Variants in CHCHD6 observed in about 807,000 individuals in gnomAD.
The protein encoded by CHCHD6 is coiled-coil-helix-coiled-coil-helix domain containing 6.
CHCHD6 carries 28 observed loss-of-function variants against 32.3 expected under a neutral mutation model. That is an observed-to-expected ratio of 0.87 (90% CI 0.64 to 1.19). The LOEUF (loss-of-function observed/expected upper bound fraction) is 1.19, where lower values mean the gene tolerates loss of function less well. CHCHD6 is among the 50% of genes most tolerant of loss of function. The pLI, the probability that CHCHD6 is intolerant of heterozygous loss-of-function variation, is 0.00. For synonymous variants in CHCHD6, 122 were observed against 117.5 expected (o/e 1.04, Z -0.25); for missense variants, 333 against 307.0 (o/e 1.08, Z -0.63).
At chr3:126,803,521 T>A (rs533911781) in intron 4 of CHCHD6, among the ~76,000 whole-genome samples, 1 of 152,372 alleles carries the variant, frequency 6.6e-6, no homozygotes, top group East Asian at 1.9e-4. Flanking sequence ...CTAACTATCC[T>A]AAATATATCT....
intron 5 of CHCHD6, among the ~76,000 whole-genome samples, chr3:126,881,756 A>G (rs1464146575): frequency 6.6e-6 from 1 of 152,196 alleles, no homozygotes; most frequent in African/African-American, 2.4e-5. Context: ...TATTGATTAA[A>G]ATAGTTCTTT....
chr3:126,737,444 T>C (rs1189074679), intron 4 of CHCHD6, among the ~76,000 whole-genome samples: 1 of 146,314 alleles, frequency 6.8e-6, no homozygotes. Context: ...ACACACATAC[T>C]CTGTATTCCT....
intron 1 of CHCHD6, among the ~76,000 whole-genome samples, chr3:126,722,470 G>A (rs543190281): frequency 3.8e-4 from 58 of 152,218 alleles, no homozygotes; most frequent in African/African-American, 1.3e-3. Flanking sequence ...ACCCTTACAC[G>A]TTGACCTTTT....
chr3:126,717,001 C>T (rs1281951210), intron 1 of CHCHD6, among the ~76,000 whole-genome samples: 1 of 152,180 alleles, frequency 6.6e-6, no homozygotes, highest in African/African-American at 2.4e-5. Context: ...TTAGCAGGTG[C>T]ATCTCCCCTT....
intron 4 of CHCHD6, among the ~76,000 whole-genome samples, chr3:126,836,010 G>A (rs1940845224): frequency 6.6e-6 from 1 of 152,258 alleles, no homozygotes; most frequent in Non-Finnish European, 1.5e-5. Context: ...TGGGAAGGGA[G>A]ATAATCAGTC....
intron 4 of CHCHD6, among the ~76,000 whole-genome samples, chr3:126,762,408 TTGAG>T (rs1281174721): frequency 1.3e-5 from 2 of 152,218 alleles, no homozygotes; most frequent in Non-Finnish European, 2.9e-5. Flanking sequence ...AAATTGGTTG[TTGAG>T]TATGTGATTT....
At chr3:126,877,036 C>T (rs2077547775) in intron 5 of CHCHD6, among the ~76,000 whole-genome samples, 1 of 152,080 alleles carries the variant, frequency 6.6e-6, no homozygotes, top group Non-Finnish European at 1.5e-5. Context: ...TTAACAACCA[C>T]TAATTGAGAT....
chr3:126,852,786 A>G, intron 5 of CHCHD6, 56 bp downstream of exon 5: 1 of 1,178,680 alleles, frequency 8.5e-7, no homozygotes, highest in Non-Finnish European at 1.3e-6. Context: ...GCATCTGACC[A>G]GAACACATCA....
intron 4 of CHCHD6, among the ~76,000 whole-genome samples, chr3:126,814,870 G>T (rs759098805): frequency 2.0e-5 from 3 of 152,210 alleles, no homozygotes; most frequent in Non-Finnish European, 4.4e-5. Context: ...CTGAAGTGGG[G>T]TGAGGGGGAT....
chr3:126,706,360 A>G (rs527940245), intron 1 of CHCHD6, among the ~76,000 whole-genome samples: 8 of 152,176 alleles, frequency 5.3e-5, no homozygotes, highest in Non-Finnish European at 1.0e-4. Flanking sequence ...CAAGGTGTTA[A>G]CCTGAGTAAC....
At chr3:126,899,221 T>G (rs1053710978) in intron 5 of CHCHD6, among the ~76,000 whole-genome samples, 1 of 152,366 alleles carries the variant, frequency 6.6e-6, no homozygotes, top group South Asian at 2.1e-4. Context: ...TTAATTACTT[T>G]ATTGGAAAAA....
chr3:126,905,900 CAG>C (rs1257306345), intron 5 of CHCHD6, among the ~76,000 whole-genome samples: 2 of 152,096 alleles, frequency 1.3e-5, no homozygotes, highest in South Asian at 2.1e-4. Flanking sequence ...CTGCAGGAAT[CAG>C]GGGCATCACG....
At chr3:126,712,516 A>G (rs1291443286) in intron 1 of CHCHD6, among the ~76,000 whole-genome samples, 3 of 152,194 alleles carry the variant, frequency 2.0e-5, no homozygotes, top group Non-Finnish European at 4.4e-5. Flanking sequence ...ATCTCGGGCC[A>G]GTTCCCACAT....
At chr3:126,842,973 A>G (rs1418185400) in intron 4 of CHCHD6, among the ~76,000 whole-genome samples, 3 of 152,074 alleles carry the variant, frequency 2.0e-5, no homozygotes, top group Non-Finnish European at 1.5e-5. Context: ...CAGATACTCT[A>G]AATCTTTTTA....
chr3:126,763,317 T>C (rs147798894), intron 4 of CHCHD6, among the ~76,000 whole-genome samples: 30 of 132,474 alleles, frequency 2.3e-4, no homozygotes, highest in Non-Finnish European at 4.4e-4. Context: ...CTCCCCTTTT[T>C]CCCCCTCTTC....
chr3:126,924,845 TG>T lies in CHCHD6; in HGVS notation c.566+10098del, dbSNP rs533128202. ...TCCTCCATGGACATGCTGAGGCTCT[TG>T]GGTCAGAAACCCAGCAGCCAGGAGC... On this transcript the variant is annotated intron_variant, in intron 6 of 7. Transcript: ENST00000290913. Among the ~76,000 whole-genome samples the T allele has an allele frequency of 1.5e-4, 23 of 152,318 alleles. No homozygotes were observed. In the South Asian group the frequency reaches 4.1e-3, roughly 27 times the overall value.
At chr3:126,930,781 C>T (rs566021359) in intron 6 of CHCHD6, among the ~76,000 whole-genome samples, 27 of 152,180 alleles carry the variant, frequency 1.8e-4, no homozygotes, top group African/African-American at 4.8e-4. Flanking sequence ...CTTTGAACTC[C>T]GAAGCTCTTA....
At chr3:126,815,212 T>G (rs115491992) in intron 4 of CHCHD6, among the ~76,000 whole-genome samples, 1,816 of 152,300 alleles carry the variant, frequency 0.012, 20 homozygotes, top group Middle Eastern at 0.048. Flanking sequence ...ATTCCAGGGC[T>G]ATGTTTTCAC....
chr3:126,848,521 A>T (rs923147411), intron 4 of CHCHD6, among the ~76,000 whole-genome samples: 1 of 152,216 alleles, frequency 6.6e-6, no homozygotes, highest in Non-Finnish European at 1.5e-5. Flanking sequence ...ATATCTGATG[A>T]TGTTAAAGAA....
Sources: gnomAD v4.1 joint callset for allele counts (sites outside exome capture counted in the v4.1 genomes callset) on GRCh38, gnomAD v4.1.1 for gene constraint, MANE v1.5 for transcripts, NCBI Gene and HGNC (gene_info 2026-07-23, HGNC 2026-07-21) for gene names.